Variants in LY6G5C observed in about 807,000 individuals in gnomAD.
LY6G5C encodes the protein lymphocyte antigen 6 family member G5C.
Under a neutral mutation model 10.5 loss-of-function variants are expected in LY6G5C, and 6 were observed. The ratio of observed to expected loss-of-function variants is 0.57; its 90% confidence interval spans 0.31 to 1.12. The LOEUF (loss-of-function observed/expected upper bound fraction) is 1.12. LY6G5C is among the 50% of genes most tolerant of loss of function. LY6G5C has a pLI of 0.05. For missense variants in LY6G5C, 160 were observed against 185.5 expected (o/e 0.86, Z 0.80); for synonymous variants, 69 against 67.8 (o/e 1.02, Z -0.09).
At chr6:31,676,898 AAGTC>A (rs1460219960) in exon 3 of LY6G5C, 1 of 1,551,660 alleles carries the variant, frequency 6.4e-7, no homozygotes, top group African/African-American at 1.4e-5. Context: ...GCCCAGATAG[AAGTC>A]AGGAAGGTGG....
In LY6G5C at chr6:31,679,236, G is replaced by T; in HGVS notation, c.154C>A (p.Gln52Lys). The change falls in exon 2 of 3, where the codon CAA becomes AAA. Residue 52 changes from glutamine to lysine, a missense_variant. Coordinates refer to ENST00000383237, the Ensembl canonical transcript of LY6G5C. This position sits in a 1 kb window ranked among gnomAD's most constrained non-coding sequence, Gnocchi z 4.4. ...AGGTATTTGGGGAATGGAAGTGGTT[G>T]AGGGGGTTCCCAATTGACAGGAACA... 6.2e-7 allele frequency: 1 copy of T among 1,613,000 alleles called. No homozygotes were observed. The highest frequency in any genetic ancestry group is 8.5e-7 in the Non-Finnish European group (1 of 1,180,000).
At chr6:31,677,890 A>G (rs1802669428) in intron 2 of LY6G5C, among the ~76,000 whole-genome samples, 1 of 152,152 alleles carries the variant, frequency 6.6e-6, no homozygotes, top group Admixed American at 6.5e-5. Context: ...CAGGTGGGTT[A>G]GGGTAGTAGC....
At position 31,679,939 on chromosome 6, in the gene LY6G5C, C is replaced by G. The variant is rs369953359; in HGVS notation, c.121+314G>C. Reference sequence around the variant, plus strand: ...GCTTATGCCTGTAATCCCAGTTATTCGGGAGGCTGAGGCATGAGAATCGCT... The same window carrying G: ...GCTTATGCCTGTAATCCCAGTTATTGGGGAGGCTGAGGCATGAGAATCGCT... On this transcript the variant is annotated intron_variant, in intron 1 of 2. Coordinates refer to ENST00000383237, the Ensembl canonical transcript of LY6G5C. This position sits in a 1 kb window ranked among gnomAD's most constrained non-coding sequence, Gnocchi z 4.4. 25 of 243,136 alleles carry G rather than the reference C, an allele frequency of 1.0e-4. No homozygotes were observed. Among genetic ancestry groups the G allele is most frequent in the African/African-American group, 5.4e-4 (24 of 44,080 alleles). The allele number at this position is 243,136 out of a possible 1,614,324, so 15.1% of individuals were successfully genotyped here.
In LY6G5C at chr6:31,676,801, T is replaced by C. The variant is rs1326537548; in HGVS notation, c.*156A>G. 14 of 700,706 alleles carry C rather than the reference T, an allele frequency of 2.0e-5. No homozygotes were observed. In the East Asian group the frequency reaches 3.5e-4, roughly 17 times the overall value. 43.4% of individuals were successfully genotyped at this position (700,706 alleles called of 1,614,324 possible). A position where few individuals can be genotyped will look rare whatever the true frequency, so the allele number is the denominator to read the frequency against. ...GTAGCAGTAAGTGTGCTGAAGGGCGTCAACCAAGAGGAAGAGCCAAGGCTG... is the reference window on the plus strand; with the variant it reads ...GTAGCAGTAAGTGTGCTGAAGGGCGCCAACCAAGAGGAAGAGCCAAGGCTG... On this transcript the variant is annotated 3_prime_UTR_variant, in exon 3 of 3. Coordinates refer to ENST00000383237, the Ensembl canonical transcript of LY6G5C.
Position 31,679,323 on chromosome 6 carries a change from AC to A in LY6G5C, c.122-56del. ...CACACCCCATTCTACCTCACACCCT[AC>A]CACTGCCTGATTCCAGGCCACTCAG... On this transcript the variant is annotated intron_variant, in intron 1 of 2. Transcript: ENST00000383237. The surrounding 1 kb of genome is among the most constrained non-coding windows in gnomAD (Gnocchi z 4.4). 1 of 1,597,930 alleles carries A rather than the reference AC, an allele frequency of 6.3e-7. No individual in the cohort carries two copies. Among genetic ancestry groups the A allele is most frequent in the Admixed American group, 1.7e-5 (1 of 59,910 alleles).
chr6:31,680,521 C>T (rs1802832911), upstream of LY6G5C: 1 of 825,922 alleles, frequency 1.2e-6, no homozygotes, highest in African/African-American at 1.7e-5. The surrounding 1 kb of genome is among the most constrained non-coding windows in gnomAD (Gnocchi z 4.5). Context: ...CACTCTGGGG[C>T]ATAACATCCT....
exon 3 of LY6G5C, chr6:31,677,039 A>G: frequency 1.2e-6 from 2 of 1,612,978 alleles, no homozygotes; most frequent in African/African-American, 1.3e-5. Flanking sequence ...GAAGCCAGAC[A>G]CCGGAGAAGT....
intron 2 of LY6G5C, among the ~76,000 whole-genome samples, chr6:31,677,687 A>G (rs1455371315): frequency 1.3e-5 from 2 of 152,170 alleles, no homozygotes; most frequent in East Asian, 1.9e-4. Flanking sequence ...TTACAAACTG[A>G]TATCGGAACA....
At chr6:31,678,805 C>A (rs960144377) in intron 2 of LY6G5C, among the ~76,000 whole-genome samples, 1 of 152,014 alleles carries the variant, frequency 6.6e-6, no homozygotes, top group African/African-American at 2.4e-5. Flanking sequence ...ATGGTGAATC[C>A]CCATCTCTAC....
chr6:31,679,291 C>A lies in LY6G5C; in HGVS notation c.122-23G>T, dbSNP rs762863369. ...TACCTAGAACACAGAGAAGTGCTGACCCCACTCACACCCCATTCTACCTCA... is the reference window on the plus strand; with the variant it reads ...TACCTAGAACACAGAGAAGTGCTGAACCCACTCACACCCCATTCTACCTCA... On this transcript the variant is annotated intron_variant, in intron 1 of 2. Coordinates refer to ENST00000383237, the Ensembl canonical transcript of LY6G5C. The surrounding 1 kb of genome is among the most constrained non-coding windows in gnomAD (Gnocchi z 4.4). The A allele has an allele frequency of 1.2e-6, 2 of 1,612,878 alleles. No homozygotes were observed. The highest frequency in any genetic ancestry group is 1.1e-5 in the South Asian group (1 of 91,066).
chr6:31,679,238 G>A lies in LY6G5C; in HGVS notation c.152C>T (p.Pro51Leu). ...GTATTTGGGGAATGGAAGTGGTTGA[G>A]GGGGTTCCCAATTGACAGGAACAAA... The change falls in exon 2 of 3, where the codon CCT becomes CTT. Residue 51 changes from proline to leucine, a missense_variant. Pro to Leu is a moderately conservative substitution (Grantham distance 98). Coordinates refer to ENST00000383237, the Ensembl canonical transcript of LY6G5C. The surrounding 1 kb of genome is among the most constrained non-coding windows in gnomAD (Gnocchi z 4.4). 6.2e-7 allele frequency: 1 copy of A among 1,612,972 alleles called. No homozygotes were observed. Among genetic ancestry groups the A allele is most frequent in the Non-Finnish European group, 8.5e-7 (1 of 1,180,014 alleles).
In LY6G5C at chr6:31,680,157, A is replaced by T; in HGVS notation, c.121+96T>A. 1 of 1,490,984 alleles carries T rather than the reference A, an allele frequency of 6.7e-7. No homozygotes were observed. The highest frequency in any genetic ancestry group is 9.3e-7 in the Non-Finnish European group (1 of 1,074,496). 92.4% of individuals were successfully genotyped at this position (1,490,984 alleles called of 1,614,324 possible). On this transcript the variant is annotated intron_variant, in intron 1 of 2. Coordinates refer to ENST00000383237, the Ensembl canonical transcript of LY6G5C. The surrounding 1 kb of genome is among the most constrained non-coding windows in gnomAD (Gnocchi z 4.5). Reference sequence around the variant, plus strand: ...CCCATCTCTCCTCCTGCATGGGTTTACCTGAGCATCCTGGACAGGTGTACC... The same window carrying T: ...CCCATCTCTCCTCCTGCATGGGTTTTCCTGAGCATCCTGGACAGGTGTACC...
Position 31,680,202 on chromosome 6 carries a change from G to A in LY6G5C, c.121+51C>T. The A allele has an allele frequency of 1.2e-6, 2 of 1,611,512 alleles. No homozygotes were observed. The highest frequency in any genetic ancestry group is 1.7e-6 in the Non-Finnish European group (2 of 1,178,806). Reference sequence around the variant, plus strand: ...TGTACCCAGACACTTGGTGTCTGTGGGTTTCTCCATCCAGGCCAGGAGACC... The same window carrying A: ...TGTACCCAGACACTTGGTGTCTGTGAGTTTCTCCATCCAGGCCAGGAGACC... On this transcript the variant is annotated intron_variant, in intron 1 of 2. Coordinates refer to ENST00000383237, the Ensembl canonical transcript of LY6G5C. This position sits in a 1 kb window ranked among gnomAD's most constrained non-coding sequence, Gnocchi z 4.5.
exon 3 of LY6G5C, chr6:31,676,972 C>G: frequency 6.2e-7 from 1 of 1,612,988 alleles, no homozygotes; most frequent in African/African-American, 1.3e-5. Context: ...GAGTATAGAG[C>G]CCTCTGTTTT....
chr6:31,677,040 C>G, exon 3 of LY6G5C: 3 of 1,613,016 alleles, frequency 1.9e-6, no homozygotes, highest in Non-Finnish European at 2.5e-6. Context: ...AAGCCAGACA[C>G]CGGAGAAGTT....
exon 3 of LY6G5C, chr6:31,676,926 G>A: frequency 1.9e-6 from 3 of 1,600,840 alleles, no homozygotes; most frequent in Non-Finnish European, 2.6e-6. Context: ...GAAACTGGTG[G>A]AATTTTACAC....
chr6:31,680,294 G>A lies in LY6G5C; in HGVS notation c.80C>T (p.Thr27Met), dbSNP rs1051121022. 4 of 1,612,838 alleles carry A rather than the reference G, an allele frequency of 2.5e-6. No homozygotes were observed. Among genetic ancestry groups the A allele is most frequent in the African/African-American group, 1.3e-5 (1 of 74,962 alleles). ...CATGACCAGCACTATTAAGAGGACCGTGTAGAGGGCTTGGGGGCTGCTGTG... is the reference window on the plus strand; with the variant it reads ...CATGACCAGCACTATTAAGAGGACCATGTAGAGGGCTTGGGGGCTGCTGTG... The change falls in exon 1 of 3, where the codon ACG (threonine) becomes ATG (methionine). Residue 27 changes from threonine (T) to methionine (M), a missense_variant. Coordinates refer to ENST00000383237, the Ensembl canonical transcript of LY6G5C. The surrounding 1 kb of genome is among the most constrained non-coding windows in gnomAD (Gnocchi z 4.5).
At chr6:31,677,549 G>T (rs1368989459) in intron 2 of LY6G5C, among the ~76,000 whole-genome samples, 2 of 152,192 alleles carry the variant, frequency 1.3e-5, no homozygotes, top group Admixed American at 6.5e-5. Context: ...CATGTTCAGG[G>T]ATGTTTGCTG....
Position 31,679,408 on chromosome 6 carries a change from C to T in LY6G5C, c.122-140G>A, listed in dbSNP as rs989566629. On this transcript the variant is annotated intron_variant, in intron 1 of 2. Transcript: ENST00000383237. The surrounding 1 kb of genome is among the most constrained non-coding windows in gnomAD (Gnocchi z 4.4). ...CCATCAAAGCCCCAATTCTCTGCTT[C>T]CTTCCCCAACTGCATACACATACAT... 13 of 870,642 alleles carry T rather than the reference C, an allele frequency of 1.5e-5. No homozygotes were observed. In the Admixed American group the frequency reaches 1.7e-4, roughly 11 times the overall value. 53.9% of individuals were successfully genotyped at this position (870,642 alleles called of 1,614,324 possible). A position where few individuals can be genotyped will look rare whatever the true frequency, so the allele number is the denominator to read the frequency against.
Sources: allele counts gnomAD v4.1 joint callset (sites outside exome capture counted in the v4.1 genomes callset), GRCh38; gene constraint gnomAD v4.1.1; non-coding constraint Gnocchi (gnomAD v3.1); transcripts MANE v1.5; gene names NCBI Gene and HGNC (gene_info 2026-07-23, HGNC 2026-07-21).